CRY1: variants seen among roughly 807,000 people sequenced by gnomAD.
CRY1 encodes cryptochrome-1.
A neutral mutation model predicts 76.0 loss-of-function variants in CRY1; 45 were observed. That is an observed-to-expected ratio of 0.59 (90% CI 0.47 to 0.76). The LOEUF is 0.76. Among genes scored for constraint, CRY1 ranks in the 30% least tolerant of loss-of-function variants. The probability of loss-of-function intolerance (pLI) is 0.00; values close to 1 mark genes in which losing one functional copy is unlikely to be tolerated. For missense variants in CRY1, 587 were observed against 716.4 expected, an observed-to-expected ratio of 0.82 and a Z score of 2.06; for synonymous variants, 248 against 244.0, an observed-to-expected ratio of 1.02 and a Z score of -0.15.
intron 1 of CRY1, among the ~76,000 whole-genome samples, chr12:107,068,119 T>C (rs191162992): frequency 6.6e-6 from 1 of 152,188 alleles, no homozygotes; most frequent in Non-Finnish European, 1.5e-5. Flanking sequence ...ACAGACATCC[T>C]AATTAGTTTC....
chr12:106,995,351 G>A (rs1032947405), intron 10 of CRY1, among the ~76,000 whole-genome samples: 4 of 152,058 alleles, frequency 2.6e-5, no homozygotes, highest in Non-Finnish European at 4.4e-5. Flanking sequence ...GGACATTTCT[G>A]AATTCAAAAA....
At chr12:107,066,542 AC>A (rs1252857036) in intron 1 of CRY1, among the ~76,000 whole-genome samples, 1 of 150,760 alleles carries the variant, frequency 6.6e-6, no homozygotes, top group Non-Finnish European at 1.5e-5. Context: ...TGCAGCCTCG[AC>A]CTCCCAGGTC....
At chr12:107,058,355 G>A (rs1204685527) in intron 1 of CRY1, among the ~76,000 whole-genome samples, 1 of 152,026 alleles carries the variant, frequency 6.6e-6, no homozygotes, top group Non-Finnish European at 1.5e-5. Flanking sequence ...CCTAAAGAGA[G>A]AACAAAAGTC....
intron 1 of CRY1, among the ~76,000 whole-genome samples, chr12:107,091,488 GCTT>G (rs199861289): frequency 0.011 from 1,675 of 152,176 alleles, 32 homozygotes; most frequent in African/African-American, 0.038. Context: ...AATGCCAACA[GCTT>G]CTTAATTGGA....
intron 1 of CRY1, among the ~76,000 whole-genome samples, chr12:107,034,501 C>T (rs929301822): frequency 6.6e-6 from 1 of 152,176 alleles, no homozygotes; most frequent in Admixed American, 6.6e-5. Context: ...ACTCTGTGGA[C>T]TTGCTCCAAA....
chr12:107,022,861 G>GA (rs2136846225), intron 1 of CRY1, among the ~76,000 whole-genome samples: 1 of 142,726 alleles, frequency 7.0e-6, no homozygotes, highest in African/African-American at 2.6e-5. Flanking sequence ...AAAAAAAAAA[G>GA]AAAAGGTTTC....
chr12:107,089,066 T>C (rs1953438298), intron 1 of CRY1, among the ~76,000 whole-genome samples: 1 of 152,248 alleles, frequency 6.6e-6, no homozygotes, highest in Admixed American at 6.5e-5. Flanking sequence ...ATGTAGCGTA[T>C]ATCAGTACTT....
intron 1 of CRY1, among the ~76,000 whole-genome samples, chr12:107,075,654 A>G (rs999949003): frequency 6.6e-6 from 1 of 152,200 alleles, no homozygotes; most frequent in African/African-American, 2.4e-5. Flanking sequence ...ACCCTGTGCC[A>G]CGTATTGAGC....
intron 2 of CRY1, 129 bp from the exon 3 acceptor site, chr12:107,005,377 G>A: frequency 2.2e-6 from 2 of 915,804 alleles, no homozygotes; most frequent in Non-Finnish European, 1.6e-6. Flanking sequence ...TGAATATGCA[G>A]GAAAAAGTAA....
At chr12:107,076,732 T>C (rs898162506) in intron 1 of CRY1, among the ~76,000 whole-genome samples, 3 of 151,966 alleles carry the variant, frequency 2.0e-5, no homozygotes, top group African/African-American at 7.2e-5. Context: ...TGAAATGTAA[T>C]CCCCAGTGTT....
At chr12:107,050,682 T>C (rs1034627755) in intron 1 of CRY1, among the ~76,000 whole-genome samples, 2 of 152,212 alleles carry the variant, frequency 1.3e-5, no homozygotes, top group African/African-American at 4.8e-5. Context: ...GTCTGAGATG[T>C]TCCCTCATAG....
intron 2 of CRY1, among the ~76,000 whole-genome samples, chr12:107,013,716 G>A (rs182624406): frequency 9.2e-5 from 14 of 152,258 alleles, no homozygotes; most frequent in Admixed American, 5.2e-4. Flanking sequence ...GCACTGAAAT[G>A]TGACTAGCTG....
intron 2 of CRY1, among the ~76,000 whole-genome samples, chr12:107,010,032 G>T (rs1952425081): frequency 6.6e-6 from 1 of 151,780 alleles, no homozygotes; most frequent in African/African-American, 2.4e-5. Flanking sequence ...TTTATGGGAA[G>T]GTTTTTAATT....
chr12:107,068,103 T>C (rs915678705), intron 1 of CRY1, among the ~76,000 whole-genome samples: 2 of 152,148 alleles, frequency 1.3e-5, no homozygotes, highest in Admixed American at 1.3e-4. Flanking sequence ...AAAGTGTTAC[T>C]GGAACACAGA....
chr12:107,005,084 T>TA (rs34993937), intron 3 of CRY1, 22 bp downstream of exon 3: 56,333 of 1,400,244 alleles, frequency 0.04, 15 homozygotes, highest in Non-Finnish European at 0.045. Flanking sequence ...TTTCCCACAG[T>TA]AAAAAAAAAA....
chr12:107,021,566 T>C (rs149289557), intron 2 of CRY1, among the ~76,000 whole-genome samples: 240 of 152,282 alleles, frequency 1.6e-3, no homozygotes, highest in African/African-American at 5.2e-3. Flanking sequence ...GGAAATGATA[T>C]GGAACAACTT....
At chr12:107,019,658 C>G (rs1049901333) in intron 2 of CRY1, among the ~76,000 whole-genome samples, 1 of 151,380 alleles carries the variant, frequency 6.6e-6, no homozygotes, top group Non-Finnish European at 1.5e-5. Context: ...GGGCTAGGTG[C>G]TACAGCTTAT....
chr12:107,077,309 C>T (rs543956309), intron 1 of CRY1, among the ~76,000 whole-genome samples: 4 of 152,192 alleles, frequency 2.6e-5, no homozygotes, highest in Admixed American at 2.6e-4. Flanking sequence ...TCTAATTGTC[C>T]TTTAGTGGTG....
At chr12:107,014,755 G>T (rs1256714019) in intron 2 of CRY1, among the ~76,000 whole-genome samples, 1 of 152,138 alleles carries the variant, frequency 6.6e-6, no homozygotes, top group African/African-American at 2.4e-5. Context: ...CTTGGTATCT[G>T]CAGGAAATTG....
Sources: allele counts gnomAD v4.1 joint callset (sites outside exome capture counted in the v4.1 genomes callset), GRCh38; gene constraint gnomAD v4.1.1; transcripts MANE v1.5; gene names NCBI Gene and HGNC (gene_info 2026-07-23, HGNC 2026-07-21).